The following ZNF280C variants were observed in gnomAD, a reference collection of about 807,000 sequenced individuals.
The protein encoded by ZNF280C is suppressor of hairy wing homolog 3.
Under a neutral mutation model 53.6 loss-of-function variants are expected in ZNF280C, and 14 were observed. That is an observed-to-expected ratio of 0.26 (90% CI 0.17 to 0.41). The LOEUF is 0.41. Among genes scored for constraint, ZNF280C ranks in the 10% least tolerant of loss-of-function variants. The pLI is 1.00. For synonymous variants in ZNF280C, 203 were observed against 181.1 expected, an observed-to-expected ratio of 1.12 and a Z score of -0.97; for missense variants, 416 against 547.1, an observed-to-expected ratio of 0.76 and a Z score of 2.39.
chrX:130,223,688 A>T (rs2032192118), intron 12 of ZNF280C, among the ~76,000 whole-genome samples: 1 of 112,156 alleles, frequency 8.9e-6, no homozygotes, highest in Admixed American at 9.5e-5. Context: ...AGGATATTTA[A>T]CACATGTGGA....
intron 16 of ZNF280C, among the ~76,000 whole-genome samples, chrX:130,206,361 GTTTTTT>G (rs1048503644): frequency 1.6e-4 from 12 of 73,481 alleles, no homozygotes; most frequent in Non-Finnish European, 2.8e-4. Context: ...GACTTCTTTA[GTTTTTT>G]TTTTTTTTTT....
intron 8 of ZNF280C, among the ~76,000 whole-genome samples, chrX:130,232,397 TAGA>T (rs1229249605): frequency 9.1e-6 from 1 of 109,298 alleles, no homozygotes; most frequent in Non-Finnish European, 1.9e-5. Context: ...AGAATTTCTC[TAGA>T]AGAATTCTCT....
At chrX:130,264,235 G>A (rs1164632252) in intron 1 of ZNF280C, among the ~76,000 whole-genome samples, 1 of 110,815 alleles carries the variant, frequency 9.0e-6, no homozygotes, top group Non-Finnish European at 1.9e-5. Flanking sequence ...AATACCTGAA[G>A]CTAACCATGC....
chrX:130,235,630 A>G (rs746296537), intron 8 of ZNF280C, among the ~76,000 whole-genome samples: 34 of 112,721 alleles, frequency 3.0e-4, no homozygotes, highest in Non-Finnish European at 9.4e-5. Flanking sequence ...GGTACATGTG[A>G]TATTTTAAGT....
At chrX:130,230,755 G>A in intron 8 of ZNF280C, 28 bp from the exon 9 acceptor site, 1 of 994,601 alleles carries the variant, frequency 1.0e-6, no homozygotes, top group Admixed American at 2.5e-5. Context: ...TATGAGCCTT[G>A]TCTACAGCTC....
At chrX:130,211,163 C>T (rs1366558670) in intron 15 of ZNF280C, among the ~76,000 whole-genome samples, 1 of 111,649 alleles carries the variant, frequency 9.0e-6, no homozygotes, top group Non-Finnish European at 1.9e-5. Flanking sequence ...AGAATAGGCA[C>T]CATGGTGAAT....
chrX:130,261,041 G>A (rs1036329830), intron 1 of ZNF280C, among the ~76,000 whole-genome samples: 2 of 111,925 alleles, frequency 1.8e-5, no homozygotes, highest in Non-Finnish European at 3.8e-5. Context: ...TTTTTGAAAA[G>A]TAACAGAAAA....
intron 13 of ZNF280C, 106 bp downstream of exon 13, chrX:130,220,243 G>A: frequency 1.4e-6 from 1 of 726,733 alleles, no homozygotes; most frequent in South Asian, 5.2e-5. Flanking sequence ...GCCCTAGTGA[G>A]CTTTCTAACA....
chrX:130,215,613 A>C (rs982697183), intron 14 of ZNF280C, among the ~76,000 whole-genome samples, 178 bp downstream of exon 14: 7 of 112,339 alleles, frequency 6.2e-5, no homozygotes, highest in Non-Finnish European at 1.3e-4. Flanking sequence ...AAAATTAGAG[A>C]ATAAACACAA....
At chrX:130,264,788 GTAGTTTCACTTGACTGCT>G (rs995102702) in intron 1 of ZNF280C, among the ~76,000 whole-genome samples, 2 of 111,715 alleles carry the variant, frequency 1.8e-5, no homozygotes, top group Admixed American at 9.6e-5. Flanking sequence ...CAATGGTTTT[GTAGTTTCACTTGACTGCT>G]TTGTTTTATG....
chrX:130,262,144 C>T (rs776395582), intron 1 of ZNF280C, among the ~76,000 whole-genome samples: 3 of 112,000 alleles, frequency 2.7e-5, no homozygotes, highest in East Asian at 2.8e-4. Flanking sequence ...TCAATTGGTA[C>T]GCTCATAAAT....
intron 3 of ZNF280C, among the ~76,000 whole-genome samples, chrX:130,244,562 G>A (rs2032428419): frequency 9.1e-6 from 1 of 110,203 alleles, no homozygotes; most frequent in African/African-American, 3.3e-5. Context: ...CAGATCATGA[G>A]GTCAGGAGAT....
chrX:130,214,438 G>C (rs1272871783), intron 15 of ZNF280C, among the ~76,000 whole-genome samples: 2 of 111,472 alleles, frequency 1.8e-5, no homozygotes, highest in Admixed American at 9.5e-5. Flanking sequence ...GCGGGAGACA[G>C]AGACAGGATA....
chrX:130,218,121 C>G (rs889147672), intron 13 of ZNF280C, among the ~76,000 whole-genome samples: 1 of 111,640 alleles, frequency 9.0e-6, no homozygotes, highest in African/African-American at 3.3e-5. Flanking sequence ...AAGATGGCAC[C>G]ACTACACTCC....
At chrX:130,205,240 T>G (rs2031959777) in intron 17 of ZNF280C, 57 bp downstream of exon 17, 1 of 1,110,528 alleles carries the variant, frequency 9.0e-7, no homozygotes, top group Admixed American at 2.3e-5. Flanking sequence ...TGGTGTCCGA[T>G]CAAAAGTACT....
In ZNF280C at chrX:130,226,802, C is replaced by T. The variant is rs1269249867; in HGVS notation, c.1352G>A (p.Ser451Asn). ...NLLCPFCLKV[S>N]KMATPYMNHY... ...ATTCATGTAGGGGGTTGCCATTTTA[C>T]TAACTTTGAGGCAAAATGGACATAG... Residue 451 changes from serine (S) to asparagine (N), a missense_variant, in exon 12 of 19, where the codon AGT becomes AAT. Ser to Asn is a conservative substitution (Grantham distance 46). Coordinates refer to ENST00000370978, the MANE Select transcript of ZNF280C (RefSeq NM_017666.5). The T allele has an allele frequency of 1.7e-6, 2 of 1,210,915 alleles. No homozygotes were observed. Among genetic ancestry groups the T allele is most frequent in the African/African-American group, 1.7e-5 (1 of 57,786 alleles).
At chrX:130,264,367 A>G (rs1405476095) in intron 1 of ZNF280C, among the ~76,000 whole-genome samples, 1 of 111,818 alleles carries the variant, frequency 8.9e-6, no homozygotes, top group Non-Finnish European at 1.9e-5. Context: ...TAAATTCATC[A>G]ATGGATTACC....
chrX:130,222,393 C>A (rs1418032907), intron 12 of ZNF280C, among the ~76,000 whole-genome samples: 3 of 109,324 alleles, frequency 2.7e-5, no homozygotes, highest in African/African-American at 1.0e-4. Flanking sequence ...ACTTCTGTAT[C>A]CCCAGTACCT....
intron 12 of ZNF280C, among the ~76,000 whole-genome samples, chrX:130,223,771 ATTATT>A (rs2032193181): frequency 8.9e-6 from 1 of 112,399 alleles, no homozygotes; most frequent in Admixed American, 9.5e-5. Flanking sequence ...ATAATAATAT[ATTATT>A]TTTAGGAAAA....
Sources: gnomAD v4.1 joint callset for allele counts (sites outside exome capture counted in the v4.1 genomes callset) on GRCh38, gnomAD v4.1.1 for gene constraint, MANE v1.5 for transcripts, NCBI Gene and HGNC (gene_info 2026-07-23, HGNC 2026-07-21) for gene names.